KCNIP2: variants seen among roughly 807,000 people sequenced by gnomAD.
The protein encoded by KCNIP2 is potassium voltage-gated channel interacting protein 2, also known as A-type potassium channel modulatory protein KCNIP2.
KCNIP2 carries 19 observed loss-of-function variants against 39.0 expected under a neutral mutation model. The ratio of observed to expected loss-of-function variants is 0.49; its 90% confidence interval spans 0.34 to 0.71. The LOEUF (loss-of-function observed/expected upper bound fraction) is 0.71, where lower values mean the gene tolerates loss of function less well. Ranked by LOEUF, KCNIP2 falls within the 30% of genes least tolerant of loss-of-function variation. The pLI is 0.01. For synonymous variants in KCNIP2, 111 were observed against 131.2 expected, an observed-to-expected ratio of 0.85 and a Z score of 1.05; for missense variants, 261 against 346.0, an observed-to-expected ratio of 0.75 and a Z score of 1.95.
chr10:101,843,395 G>A lies in KCNIP2; in HGVS notation c.73+101C>T. ...CGGCCATAAGAGTGCCTGGGAATGG[G>A]GCAGAGTGTGGGTGCGGGCCAGGCC... is the stretch of plus-strand genomic sequence containing the variant. On this transcript the variant is annotated intron_variant, in intron 1 of 9. Coordinates refer to ENST00000356640, the MANE Select transcript of KCNIP2 (RefSeq NM_173191.3). The surrounding 1 kb of genome is among the most constrained non-coding windows in gnomAD (Gnocchi z 6.7). The A allele has an allele frequency of 7.2e-6, 5 of 696,204 alleles. No homozygotes were observed. The highest frequency in any genetic ancestry group is 1.1e-5 in the Non-Finnish European group (5 of 467,366). 43.1% of individuals were successfully genotyped at this position (696,204 alleles called of 1,614,324 possible). A position where few individuals can be genotyped will look rare whatever the true frequency, so the allele number is the denominator to read the frequency against.
intron 1 of KCNIP2, among the ~76,000 whole-genome samples, chr10:101,840,242 C>T (rs2066290057): frequency 6.6e-6 from 1 of 151,804 alleles, no homozygotes; most frequent in African/African-American, 2.4e-5. Flanking sequence ...CACTCCTCCC[C>T]GCACCCTGCA....
chr10:101,829,402 G>C (rs1006655627), intron 3 of KCNIP2: 2 of 616,024 alleles, frequency 3.2e-6, no homozygotes, highest in Non-Finnish European at 5.3e-6. Context: ...AGCGGGCCAA[G>C]GCCTGGCCTG....
intron 1 of KCNIP2, among the ~76,000 whole-genome samples, chr10:101,840,999 A>G (rs1184847064): frequency 6.6e-6 from 1 of 152,216 alleles, no homozygotes; most frequent in East Asian, 1.9e-4. Context: ...GCCGCTGCTA[A>G]ACGCGGCCTT....
chr10:101,833,287 A>G (rs954250153), intron 1 of KCNIP2, among the ~76,000 whole-genome samples: 3 of 152,052 alleles, frequency 2.0e-5, no homozygotes, highest in African/African-American at 7.2e-5. Flanking sequence ...ACTCCACCCC[A>G]ATATTACTCT....
Position 101,828,197 on chromosome 10 carries a change from G to C in KCNIP2, c.551C>G (p.Ala184Gly), listed in dbSNP as rs772308939. The C allele has an allele frequency of 6.2e-7, 1 of 1,614,056 alleles. No homozygotes were observed. The highest frequency in any genetic ancestry group is 8.5e-7 in the Non-Finnish European group (1 of 1,180,016). ...RGTVDDRLNW[A>G]FNLYDLNKDG... ...CTTGTTAAGGTCATACAGGTTGAAG[G>C]CCCAATTAAGCCTGTCATCTACAGT... The change falls in exon 7 of 10, where the codon GCC (alanine) becomes GGC (glycine). Residue 184 changes from alanine to glycine, a missense_variant. Physicochemically the swap from Ala to Gly is moderately conservative, Grantham distance 60 (BLOSUM62 0). Transcript: ENST00000356640. This position sits in a 1 kb window ranked among gnomAD's most constrained non-coding sequence, Gnocchi z 6.6.
intron 1 of KCNIP2, among the ~76,000 whole-genome samples, chr10:101,833,317 G>C (rs1398733241): frequency 1.3e-5 from 2 of 152,106 alleles, no homozygotes; most frequent in Non-Finnish European, 2.9e-5. Flanking sequence ...CTTTGGGGTG[G>C]GCTGGGGAGG....
intron 1 of KCNIP2, among the ~76,000 whole-genome samples, chr10:101,840,797 C>T (rs1418429449): frequency 6.6e-6 from 1 of 152,160 alleles, no homozygotes; most frequent in Non-Finnish European, 1.5e-5. Flanking sequence ...CGGCGACTAT[C>T]CCCACCGCAA....
chr10:101,830,405 C>A (rs1389262670), intron 2 of KCNIP2: 1 of 1,286,392 alleles, frequency 7.8e-7, no homozygotes, highest in Non-Finnish European at 1.0e-6. Context: ...GGCGGCCGCA[C>A]GGAGTTGAAG....
rs1055613832 is a variant in KCNIP2, at chr10:101,828,524, C to T, written c.419-65G>A. The T allele has an allele frequency of 6.3e-7, 1 of 1,596,104 alleles. No homozygotes were observed. Among genetic ancestry groups the T allele is most frequent in the African/African-American group, 1.3e-5 (1 of 74,624 alleles). ...GAGGACTTCCTCCCTCTAAGGAGCT[C>T]CCCATACCCCCCATCACCTTGGCAT... On this transcript the variant is annotated intron_variant, in intron 5 of 9. Transcript: ENST00000356640. This position sits in a 1 kb window ranked among gnomAD's most constrained non-coding sequence, Gnocchi z 6.6.
intron 2 of KCNIP2, 66 bp from the exon 3 acceptor site, chr10:101,829,963 C>T: frequency 6.5e-7 from 1 of 1,528,368 alleles, no homozygotes; most frequent in Non-Finnish European, 8.8e-7. Context: ...ACACCTGGCC[C>T]CTCACACTCA....
At chr10:101,829,506 A>C in intron 3 of KCNIP2, 1 of 470,096 alleles carries the variant, frequency 2.1e-6, no homozygotes, top group Non-Finnish European at 3.8e-6. Context: ...CGTTTTAGAA[A>C]GGGAGGAGTG....
At chr10:101,834,847 A>C (rs1026293868) in intron 1 of KCNIP2, among the ~76,000 whole-genome samples, 3 of 152,224 alleles carry the variant, frequency 2.0e-5, no homozygotes, top group African/African-American at 7.2e-5. Context: ...TGTGGTGGCC[A>C]GGTGTTTTCC....
At position 101,843,639 on chromosome 10, in the gene KCNIP2, C is replaced by T. The variant is rs907483859; in HGVS notation, c.-71G>A. On this transcript the variant is annotated 5_prime_UTR_variant, in exon 1 of 10. In the 5' UTR this introduces an upstream ATG that the reference lacks. Transcript: ENST00000356640. The surrounding 1 kb of genome is among the most constrained non-coding windows in gnomAD (Gnocchi z 6.7). The stretch of plus-strand genomic sequence containing the variant: ...GGGTGGCCGGGATAGGGCGCTCACA[C>T]GGCGCCCCCTGGCGGCCTACTGTGC... 18 of 871,772 alleles carry T rather than the reference C, an allele frequency of 2.1e-5. No individual in the cohort carries two copies. Among genetic ancestry groups the T allele is most frequent in the Admixed American group, 3.7e-5 (1 of 27,164 alleles). 54.0% of individuals were successfully genotyped at this position (871,772 alleles called of 1,614,324 possible).
rs1026337274 is a variant in KCNIP2, at chr10:101,843,682, T to A, written c.-114A>T. On this transcript the variant is annotated 5_prime_UTR_variant, in exon 1 of 10. Transcript: ENST00000356640. This position sits in a 1 kb window ranked among gnomAD's most constrained non-coding sequence, Gnocchi z 6.7. ...TACTGTGCTGTCGGGGCTGGGGAAG[T>A]CCGGGCTGAGGCTGAGTCTGGGAAT... 5.3e-5 allele frequency: 28 copies of A among 523,394 alleles called. No homozygotes were observed. Among genetic ancestry groups the A allele is most frequent in the African/African-American group, 4.9e-4 (24 of 49,428 alleles). The allele number at this position is 523,394 out of a possible 1,614,324, so 32.4% of individuals were successfully genotyped here. A position where few individuals can be genotyped will look rare whatever the true frequency, so the allele number is the denominator to read the frequency against.
rs1389251072 is a variant in KCNIP2 at position 101,828,227 on chromosome 10, C to T, written c.521G>A (p.Arg174Gln). ...DFVAGLSVIL[R>Q]GTVDDRLNWA... ...ATTAAGCCTGTCATCTACAGTTCCC[C>T]GAAGAATCACGGACAAACCAGCCAC... is the stretch of plus-strand genomic sequence containing the variant. The change falls in exon 7 of 10, where the codon CGG (arginine) becomes CAG (glutamine). Residue 174 changes from arginine to glutamine, a missense_variant. By Grantham distance (43) the Arg-to-Gln change is conservative (BLOSUM62 1). Coordinates refer to ENST00000356640, the MANE Select transcript of KCNIP2 (RefSeq NM_173191.3). This position sits in a 1 kb window ranked among gnomAD's most constrained non-coding sequence, Gnocchi z 6.6. 5 of 1,613,986 alleles carry T rather than the reference C, an allele frequency of 3.1e-6. No homozygotes were observed. Among genetic ancestry groups the T allele is most frequent in the Non-Finnish European group, 3.4e-6 (4 of 1,180,034 alleles).
Position 101,826,038 on chromosome 10 carries a change from C to T in KCNIP2, c.*1315G>A, listed in dbSNP as rs1245321240. 2.0e-5 allele frequency: 3 copies of T among 152,448 alleles called. No homozygotes were observed. Among genetic ancestry groups the T allele is most frequent in the Non-Finnish European group, 4.4e-5 (3 of 68,008 alleles). 9.4% of individuals were successfully genotyped at this position (152,448 alleles called of 1,614,324 possible). On this transcript the variant is annotated 3_prime_UTR_variant, in exon 10 of 10. Transcript: ENST00000356640. ...TACTTTACAAAATATATAGAAGAGC[C>T]CAAAATGCAAAGCAGTCAACAGTCT...
At chr10:101,840,788 G>C (rs562949754) in intron 1 of KCNIP2, among the ~76,000 whole-genome samples, 106 of 152,166 alleles carry the variant, frequency 7.0e-4, no homozygotes, top group African/African-American at 2.5e-3. Flanking sequence ...TCCACTTGAC[G>C]GCGACTATCC....
chr10:101,837,302 G>A (rs952119519), intron 1 of KCNIP2, among the ~76,000 whole-genome samples: 11 of 152,052 alleles, frequency 7.2e-5, no homozygotes, highest in African/African-American at 9.7e-5. Context: ...GAAGCTCCCC[G>A]CCAAGATAAG....
chr10:101,833,064 C>T (rs1375553056), intron 1 of KCNIP2, among the ~76,000 whole-genome samples: 1 of 151,540 alleles, frequency 6.6e-6, no homozygotes, highest in African/African-American at 2.4e-5. Context: ...AACCCTAGAG[C>T]AGGCAATTCA....
Sources: allele counts gnomAD v4.1 joint callset (sites outside exome capture counted in the v4.1 genomes callset), GRCh38; gene constraint gnomAD v4.1.1; non-coding constraint Gnocchi (gnomAD v3.1); transcripts MANE v1.5; gene names NCBI Gene and HGNC (gene_info 2026-07-23, HGNC 2026-07-21).